The following JPH3 variants were observed in gnomAD, a reference collection of about 807,000 sequenced individuals.
JPH3 encodes the protein junctophilin-3.
Under a neutral mutation model 59.6 loss-of-function variants are expected in JPH3, and 11 were observed. The observed-to-expected ratio is 0.18, with a 90% CI of 0.12 to 0.31. The LOEUF (loss-of-function observed/expected upper bound fraction) is 0.31. Ranked by LOEUF, JPH3 falls within the 10% of genes least tolerant of loss-of-function variation. The pLI, the probability that JPH3 is intolerant of heterozygous loss-of-function variation, is 1.00. For synonymous variants in JPH3, 673 were observed against 483.6 expected, an observed-to-expected ratio of 1.39 and a Z score of -5.14; for missense variants, 1,202 against 1,105.7, an observed-to-expected ratio of 1.09 and a Z score of -1.24.
At chr16:87,692,107 C>T (rs1310001357) in intron 4 of JPH3, among the ~76,000 whole-genome samples, 3 of 151,594 alleles carry the variant, frequency 2.0e-5, no homozygotes, top group African/African-American at 7.3e-5. Context: ...CCGTCAGCTG[C>T]AGCATCATGT....
intron 2 of JPH3, among the ~76,000 whole-genome samples, chr16:87,649,886 T>C (rs1231564767): frequency 6.6e-6 from 1 of 152,208 alleles, no homozygotes; most frequent in Non-Finnish European, 1.5e-5. Context: ...CCGCAAAGCC[T>C]GCAAAAGCTC....
intron 1 of JPH3, among the ~76,000 whole-genome samples, chr16:87,621,658 C>T (rs938587006): frequency 1.3e-5 from 2 of 152,212 alleles, no homozygotes; most frequent in East Asian, 1.9e-4. Context: ...CGGAAGGCTC[C>T]GGTTGAAGGG....
intron 2 of JPH3, among the ~76,000 whole-genome samples, chr16:87,655,946 C>G (rs770964429): frequency 6.6e-6 from 1 of 152,262 alleles, no homozygotes; most frequent in Non-Finnish European, 1.5e-5. Flanking sequence ...GCCCACATGC[C>G]CTCCTGGTCT....
At chr16:87,673,480 G>A (rs1040512804) in intron 2 of JPH3, among the ~76,000 whole-genome samples, 5 of 152,070 alleles carry the variant, frequency 3.3e-5, no homozygotes, top group African/African-American at 4.8e-5. Context: ...ATTCAACAGC[G>A]GCACTTCTGG....
intron 2 of JPH3, among the ~76,000 whole-genome samples, chr16:87,676,043 C>A (rs541348773): frequency 6.6e-6 from 1 of 152,236 alleles, no homozygotes; most frequent in Non-Finnish European, 1.5e-5. Flanking sequence ...CTGTCGCAGG[C>A]GACGAAAGTG....
rs551935581 is a variant in JPH3, at chr16:87,644,130, C to A, written c.383-128C>A. On this transcript the variant is annotated intron_variant, in intron 1 of 4. Coordinates refer to ENST00000284262, the MANE Select transcript of JPH3 (RefSeq NM_020655.4). ...TCCAGCCTGGGCAACACAGCGAGAA[C>A]CTGTCTCAAAAAACACAAAACAACA... 2.7e-4 allele frequency: 276 copies of A among 1,006,622 alleles called. 6 individuals carry two copies. In the South Asian group the frequency reaches 3.3e-3, roughly 12 times the overall value. The allele number at this position is 1,006,622 out of a possible 1,614,324, so 62.4% of individuals were successfully genotyped here.
chr16:87,690,873 G>A (rs2033552020), intron 4 of JPH3, among the ~76,000 whole-genome samples: 1 of 152,246 alleles, frequency 6.6e-6, no homozygotes, highest in Non-Finnish European at 1.5e-5. Flanking sequence ...AGTAGCCTTG[G>A]GCCGTGAGAT....
At chr16:87,632,402 C>T (rs1377071011) in intron 1 of JPH3, among the ~76,000 whole-genome samples, 2 of 152,180 alleles carry the variant, frequency 1.3e-5, no homozygotes, top group African/African-American at 4.8e-5. Flanking sequence ...TCCTTTCATT[C>T]ATTATTTATA....
intron 2 of JPH3, among the ~76,000 whole-genome samples, chr16:87,671,978 G>A (rs1205222274): frequency 1.3e-5 from 2 of 152,182 alleles, no homozygotes; most frequent in African/African-American, 4.8e-5. Context: ...ACCCAGCCTC[G>A]CTTCAGGTGC....
chr16:87,602,162 G>A (rs2030223031), upstream of JPH3: 1 of 151,786 alleles, frequency 6.6e-6, no homozygotes, highest in Non-Finnish European at 1.5e-5. Flanking sequence ...CCCAGCTCCC[G>A]GGAGGGGGCC....
intron 4 of JPH3, 21 bp from the exon 5 acceptor site, chr16:87,696,559 C>G (rs1239071395): frequency 6.2e-7 from 1 of 1,609,330 alleles, no homozygotes; most frequent in Non-Finnish European, 8.5e-7. Context: ...TCGCTCACCT[C>G]TTCCCCTCGC....
At chr16:87,662,516 C>T (rs1032545862) in intron 2 of JPH3, among the ~76,000 whole-genome samples, 1 of 151,810 alleles carries the variant, frequency 6.6e-6, no homozygotes, top group African/African-American at 2.4e-5. Context: ...GATTTGTTTT[C>T]CAGGATGTTC....
At position 87,644,606 on chromosome 16, in the gene JPH3, T is replaced by C; in HGVS notation, c.731T>C (p.Phe244Ser). The change falls in exon 2 of 5, where the codon TTT becomes TCT. Residue 244 changes from phenylalanine (F) to serine (S), a missense_variant. By Grantham distance (155) the Phe-to-Ser change is radical. Transcript: ENST00000284262. ...AGCCAACGCAGCAAGCAGAGCTCCT[T>C]TCGCAGCGAGGCGGGCATGAGCACC... The part of the protein sequence containing the change: ...LASQRSKQSS[F>S]RSEAGMSTVS... 6.2e-7 allele frequency: 1 copy of C among 1,612,686 alleles called. No homozygotes were observed. Among genetic ancestry groups the C allele is most frequent in the Non-Finnish European group, 8.5e-7 (1 of 1,179,850 alleles).
At chr16:87,606,290 C>G (rs1409474600) in intron 1 of JPH3, among the ~76,000 whole-genome samples, 2 of 152,272 alleles carry the variant, frequency 1.3e-5, no homozygotes, top group Admixed American at 6.5e-5. Flanking sequence ...CAGCCCAGCT[C>G]TGGGCGCTGA....
chr16:87,696,820 CCTT>C lies in JPH3; in HGVS notation c.*161_*163del. On this transcript the variant is annotated 3_prime_UTR_variant, in exon 5 of 5. Coordinates refer to ENST00000284262, the MANE Select transcript of JPH3 (RefSeq NM_020655.4). Reference sequence around the variant, plus strand: ...ACGATTGGGTATCACTCACAGTTTGCCTTTTTTTCTGGGTAATGTTTTTTGGAT... The same window carrying C: ...ACGATTGGGTATCACTCACAGTTTGCTTTTTCTGGGTAATGTTTTTTGGAT... 1 of 644,628 alleles carries C rather than the reference CCTT, an allele frequency of 1.6e-6. No homozygotes were observed. The highest frequency in any genetic ancestry group is 2.7e-6 in the Non-Finnish European group (1 of 366,584). 39.9% of individuals were successfully genotyped at this position (644,628 alleles called of 1,614,324 possible).
chr16:87,659,325 C>G (rs903471569), intron 2 of JPH3, among the ~76,000 whole-genome samples: 4 of 137,148 alleles, frequency 2.9e-5, no homozygotes, highest in Non-Finnish European at 6.0e-5. Context: ...TGCACTGAGC[C>G]AAGATCAAGC....
chr16:87,651,478 C>G (rs1033302592), intron 2 of JPH3, among the ~76,000 whole-genome samples: 7 of 152,194 alleles, frequency 4.6e-5, no homozygotes, highest in Non-Finnish European at 1.0e-4. Flanking sequence ...CATTCTAGAT[C>G]CCATTAAGAA....
rs577282583 is a variant in JPH3, at chr16:87,620,542, AG to A, written c.382+17018del. Among the ~76,000 whole-genome samples the A allele has an allele frequency of 1.2e-3, 45 of 37,060 alleles. No individual in the cohort carries two copies. The South Asian group carries it at 0.017, about 14-fold the overall frequency. 24.3% of individuals were successfully genotyped at this position (37,060 alleles called of 152,430 possible). On this transcript the variant is annotated intron_variant, in intron 1 of 4. Coordinates refer to ENST00000284262, the MANE Select transcript of JPH3 (RefSeq NM_020655.4). ...AGAGGGGTGGGCTGTGAGGAGAGGG[AG>A]GGGAAGGGCTGCAGAGGGGGAACGT...
At chr16:87,612,986 C>A (rs28528102) in intron 1 of JPH3, among the ~76,000 whole-genome samples, 144,792 of 151,800 alleles carry the variant, frequency 0.95, 69,439 homozygotes, top group East Asian at 1. Flanking sequence ...AGATAGCGCC[C>A]CTGCAGTCCG....
Sources: allele counts gnomAD v4.1 joint callset (sites outside exome capture counted in the v4.1 genomes callset), GRCh38; gene constraint gnomAD v4.1.1; transcripts MANE v1.5; gene names NCBI Gene and HGNC (gene_info 2026-07-23, HGNC 2026-07-21).